LMCD1: variants seen among roughly 807,000 people sequenced by gnomAD.
LMCD1 encodes the protein LIM and cysteine rich domains 1, also known as LIM and cysteine-rich domains protein 1.
Under a neutral mutation model 42.7 loss-of-function variants are expected in LMCD1, and 32 were observed. The ratio of observed to expected loss-of-function variants is 0.75; its 90% CI spans 0.57 to 1.01. The LOEUF (loss-of-function observed/expected upper bound fraction) is 1.01. Ranked by LOEUF, LMCD1 falls within the 50% of genes least tolerant of loss-of-function variation. LMCD1 has a pLI of 0.00. For synonymous variants in LMCD1, 178 were observed against 184.9 expected (o/e 0.96, Z 0.30); for missense variants, 458 against 483.1 (o/e 0.95, Z 0.49).
At chr3:8,510,452 T>A (rs560307991) in intron 1 of LMCD1, among the ~76,000 whole-genome samples, 1 of 152,344 alleles carries the variant, frequency 6.6e-6, no homozygotes, top group East Asian at 1.9e-4. Flanking sequence ...CCTTTTAACC[T>A]AGGATCTGTA....
At chr3:8,504,380 A>G (rs934554460) in intron 1 of LMCD1, among the ~76,000 whole-genome samples, 2 of 152,258 alleles carry the variant, frequency 1.3e-5, no homozygotes, top group Non-Finnish European at 2.9e-5. Context: ...GCACTTAGAC[A>G]TTTTGAAACA....
At chr3:8,502,322 TATATATAATATATATTATATATAAAA>T (rs1693754517) in intron 1 of LMCD1, among the ~76,000 whole-genome samples, 1 of 8,538 alleles carries the variant, frequency 1.2e-4, no homozygotes, top group African/African-American at 2.6e-4. Context: ...AAATATATAT[TATATATAATATATATTATATATAAAA>T]TATATAATAT....
chr3:8,551,274 A>G, intron 4 of LMCD1: 1 of 985,454 alleles, frequency 1.0e-6, no homozygotes, highest in Non-Finnish European at 1.2e-6. Flanking sequence ...TGACCCATGA[A>G]TGAAAGTTTG....
chr3:8,549,744 G>A, intron 4 of LMCD1: 1 of 695,874 alleles, frequency 1.4e-6, no homozygotes. Context: ...AGAAGTCCAA[G>A]GCCAAGGGGC....
rs528494160 is a variant in LMCD1 at position 8,526,016 on chromosome 3, GA to G, written c.43-6720del. Reference sequence around the variant, plus strand: ...GGACAGCAGAAATGGTTTCTCCTGGGAGGTAGGTAGAACTATATGTCAGGCT... The same window carrying G: ...GGACAGCAGAAATGGTTTCTCCTGGGGGTAGGTAGAACTATATGTCAGGCT... On this transcript the variant is annotated intron_variant, in intron 1 of 5. Transcript: ENST00000157600. 2.0e-3 allele frequency among the ~76,000 whole-genome samples: 311 copies of G among 152,322 alleles called. 1 individual carries two copies. The highest frequency in any genetic ancestry group is 6.9e-3 in the African/African-American group (286 of 41,572).
chr3:8,547,094 C>G lies in LMCD1; in HGVS notation c.388-1474C>G, dbSNP rs111805517. On this transcript the variant is annotated intron_variant, in intron 3 of 5. Coordinates refer to ENST00000157600, the MANE Select transcript of LMCD1 (RefSeq NM_014583.4). ...GACTCCTTTTTCTTTCCACTGCCAT[C>G]CAAAATTGAAAACTACAGTGTTCCT... 9.2e-5 allele frequency among the ~76,000 whole-genome samples: 14 copies of G among 152,240 alleles called. 1 individual carries two copies. Among genetic ancestry groups the G allele is most frequent in the African/African-American group, 3.1e-4 (13 of 41,544 alleles).
intron 4 of LMCD1, 64 bp from the exon 5 acceptor site, chr3:8,565,368 C>T (rs1695109896): frequency 4.2e-6 from 6 of 1,442,762 alleles, no homozygotes; most frequent in South Asian, 2.3e-5. Flanking sequence ...AGCTGGAATT[C>T]GAACCCATGT....
intron 1 of LMCD1, chr3:8,515,035 G>A (rs1023821544): frequency 2.2e-6 from 1 of 456,808 alleles, no homozygotes; most frequent in Non-Finnish European, 4.4e-6. Flanking sequence ...AATAATAGAG[G>A]CAGTATTTGA....
chr3:8,567,534 G>C lies in LMCD1; in HGVS notation c.1034G>C (p.Arg345Pro). 1 of 1,613,738 alleles carries C rather than the reference G, an allele frequency of 6.2e-7. No individual in the cohort carries two copies. The highest frequency in any genetic ancestry group is 1.1e-5 in the South Asian group (1 of 91,050). The change falls in exon 6 of 6, where the codon CGG (arginine) becomes CCG (proline). Residue 345 changes from arginine to proline, a missense_variant. Arg to Pro is a moderately radical substitution (Grantham distance 103). Coordinates refer to ENST00000157600, the MANE Select transcript of LMCD1 (RefSeq NM_014583.4). ...CEGCEQLLSG[R>P]AYIVTKGQLL... The stretch of plus-strand genomic sequence containing the variant: ...GGTTGTGAGCAGCTGCTGAGCGGCC[G>C]GGCGTACATCGTCACCAAGGGTCAG...
intron 1 of LMCD1, among the ~76,000 whole-genome samples, chr3:8,519,301 G>T (rs1694156246): frequency 6.6e-6 from 1 of 152,154 alleles, no homozygotes; most frequent in Non-Finnish European, 1.5e-5. Flanking sequence ...AGAGAGAAAT[G>T]GTCTAAACAG....
At chr3:8,555,392 C>T (rs1395568143) in intron 4 of LMCD1, among the ~76,000 whole-genome samples, 1 of 152,144 alleles carries the variant, frequency 6.6e-6, no homozygotes, top group African/African-American at 2.4e-5. Context: ...CCACTCCTCC[C>T]CACTTAGTGA....
intron 3 of LMCD1, among the ~76,000 whole-genome samples, chr3:8,539,656 G>C (rs115377776): frequency 6.6e-6 from 1 of 152,094 alleles, no homozygotes; most frequent in African/African-American, 2.4e-5. Context: ...GGAAGCCATC[G>C]TCAGGCAGTG....
At chr3:8,532,299 T>C (rs539364669) in intron 1 of LMCD1, among the ~76,000 whole-genome samples, 1 of 152,372 alleles carries the variant, frequency 6.6e-6, no homozygotes, top group African/African-American at 2.4e-5. Context: ...TGTTTGTGCC[T>C]GTAGCTTTGG....
intron 1 of LMCD1, 105 bp downstream of exon 1, chr3:8,502,085 T>C (rs1693735567): frequency 2.0e-6 from 2 of 999,982 alleles, no homozygotes; most frequent in South Asian, 1.6e-5. Flanking sequence ...GGGAACTCTT[T>C]AAATTCCAAA....
intron 3 of LMCD1, among the ~76,000 whole-genome samples, chr3:8,538,053 C>T (rs1237630375): frequency 6.6e-6 from 1 of 152,124 alleles, no homozygotes; most frequent in African/African-American, 2.4e-5. Context: ...CGCTGGAATC[C>T]CCGGGACCTG....
intron 3 of LMCD1, among the ~76,000 whole-genome samples, chr3:8,547,444 A>G (rs185692780): frequency 6.6e-6 from 1 of 152,372 alleles, no homozygotes; most frequent in East Asian, 1.9e-4. Context: ...AACGATAAAC[A>G]CAAAGTTGTT....
chr3:8,567,729 A>AAT lies in LMCD1; in HGVS notation c.*140_*141dup, dbSNP rs1467957641. On this transcript the variant is annotated 3_prime_UTR_variant, in exon 6 of 6. Coordinates refer to ENST00000157600, the MANE Select transcript of LMCD1 (RefSeq NM_014583.4). ...AAACAATGATTTGCTTTTCAGTGAG[A>AAT]ATATATATATGAGATATATATAGAT... 4.6e-6 allele frequency: 4 copies of AAT among 860,924 alleles called. No homozygotes were observed. Among genetic ancestry groups the AAT allele is most frequent in the East Asian group, 5.1e-5 (2 of 39,056 alleles). The allele number at this position is 860,924 out of a possible 1,614,324, so 53.3% of individuals were successfully genotyped here. A position where few individuals can be genotyped will look rare whatever the true frequency, so the allele number is the denominator to read the frequency against.
At position 8,567,450 on chromosome 3, in the gene LMCD1, C is replaced by T; in HGVS notation, c.950C>T (p.Ala317Val). 1 of 1,613,884 alleles carries T rather than the reference C, an allele frequency of 6.2e-7. No homozygotes were observed. The highest frequency in any genetic ancestry group is 1.1e-5 in the South Asian group (1 of 91,058). Residue 317 changes from alanine to valine, a missense_variant, in exon 6 of 6, where the codon GCT (alanine) becomes GTT (valine). Physicochemically the swap from Ala to Val is moderately conservative, Grantham distance 64. Coordinates refer to ENST00000157600, the MANE Select transcript of LMCD1 (RefSeq NM_014583.4). The stretch of plus-strand genomic sequence containing the variant: ...TGCTCCCCTCCCCAGATAATATTCG[C>T]TGAGGACTACCAGCGTGTGGAAGAT... ...RCSGCDEIIF[A>V]EDYQRVEDLA... is the part of the protein sequence containing the mutation.
intron 5 of LMCD1, among the ~76,000 whole-genome samples, chr3:8,566,702 G>A (rs747774384): frequency 4.6e-5 from 7 of 152,210 alleles, no homozygotes; most frequent in Non-Finnish European, 7.4e-5. Context: ...CTCATTTCAC[G>A]TTTAAGAAAA....
Sources: gnomAD v4.1 joint callset for allele counts (sites outside exome capture counted in the v4.1 genomes callset) on GRCh38, gnomAD v4.1.1 for gene constraint, MANE v1.5 for transcripts, NCBI Gene and HGNC (gene_info 2026-07-23, HGNC 2026-07-21) for gene names.